DGLUCY: variants seen among roughly 807,000 people sequenced by gnomAD.
DGLUCY encodes D-glutamate cyclase, mitochondrial.
A neutral mutation model predicts 58.5 loss-of-function variants in DGLUCY; 58 were observed. That is an observed-to-expected ratio of 0.99 (90% CI 0.80 to 1.23). The LOEUF is 1.23. Among genes scored for constraint, DGLUCY ranks in the 50% most tolerant of loss-of-function variants. The probability of loss-of-function intolerance (pLI) is 0.00; values close to 1 mark genes in which losing one functional copy is unlikely to be tolerated. For missense variants in DGLUCY, 779 were observed against 784.7 expected, an observed-to-expected ratio of 0.99 and a Z score of 0.09; for synonymous variants, 325 against 314.1, an observed-to-expected ratio of 1.03 and a Z score of -0.37.
At chr14:91,081,680 TTCTC>T (rs890685443) in intron 1 of DGLUCY, among the ~76,000 whole-genome samples, 21 of 152,278 alleles carry the variant, frequency 1.4e-4, no homozygotes, top group Non-Finnish European at 2.6e-4. Flanking sequence ...TGTGGCTCCT[TTCTC>T]TATCTTCAAA....
At chr14:91,150,175 C>T (rs1051273810) in intron 1 of DGLUCY, among the ~76,000 whole-genome samples, 5 of 139,792 alleles carry the variant, frequency 3.6e-5, no homozygotes, top group East Asian at 2.2e-4. Context: ...GTGGAGATTG[C>T]GCCGCTGCAC....
At chr14:91,142,640 G>T (rs1165330198) in intron 1 of DGLUCY, among the ~76,000 whole-genome samples, 1 of 152,010 alleles carries the variant, frequency 6.6e-6, no homozygotes, top group African/African-American at 2.4e-5. Flanking sequence ...GAGCAAACAT[G>T]TACTGGTTAT....
chr14:91,068,115 A>ACC lies in DGLUCY; in HGVS notation c.-82+7414_-82+7415dup, dbSNP rs1555387717. On this transcript the variant is annotated intron_variant, in intron 1 of 4. Coordinates refer to the DGLUCY transcript ENST00000521334. ...CACACACACACACACACACACACAC[A>ACC]CCCCTTGCATTCACAGAGAGACAGT... 1.7e-3 allele frequency among the ~76,000 whole-genome samples: 244 copies of ACC among 140,248 alleles called. No individual in the cohort carries two copies. The Middle Eastern group carries it at 0.022, about 13-fold the overall frequency. The allele number at this position is 140,248 out of a possible 152,430, so 92.0% of individuals were successfully genotyped here.
At chr14:91,161,735 G>A (rs773179602) in intron 3 of DGLUCY, among the ~76,000 whole-genome samples, 30 of 152,024 alleles carry the variant, frequency 2.0e-4, no homozygotes, top group Non-Finnish European at 3.1e-4. Context: ...CAATAGGGAA[G>A]GGGCTACAAT....
At chr14:91,077,428 G>GAGGGAGGA (rs1555388644) in intron 1 of DGLUCY, among the ~76,000 whole-genome samples, 1 of 148,534 alleles carries the variant, frequency 6.7e-6, no homozygotes, top group African/African-American at 2.5e-5. Context: ...AGGAGGGAGG[G>GAGGGAGGA]AGGAAGGAAG....
At chr14:91,092,491 A>G (rs1357213976) in intron 1 of DGLUCY, among the ~76,000 whole-genome samples, 1 of 152,204 alleles carries the variant, frequency 6.6e-6, no homozygotes, top group Non-Finnish European at 1.5e-5. Context: ...TTAGATTGAG[A>G]AGACACTTGA....
At chr14:91,182,052 T>G (rs2049211179) in intron 8 of DGLUCY, among the ~76,000 whole-genome samples, 1 of 151,690 alleles carries the variant, frequency 6.6e-6, no homozygotes, top group African/African-American at 2.4e-5. Context: ...GCAATCTCAA[T>G]TCACTGCAAC....
chr14:91,182,515 C>G (rs1231434189), intron 8 of DGLUCY, among the ~76,000 whole-genome samples: 3 of 152,040 alleles, frequency 2.0e-5, no homozygotes, highest in Non-Finnish European at 4.4e-5. Context: ...CCAGGTTGGT[C>G]TTGAACTCCT....
At chr14:91,173,530 C>G (rs890237863) in intron 6 of DGLUCY, 91 bp downstream of exon 6, 7 of 1,434,554 alleles carry the variant, frequency 4.9e-6, no homozygotes, top group South Asian at 1.5e-5. Flanking sequence ...TCCCCCTGTT[C>G]ACATCGGCGA....
intron 1 of DGLUCY, among the ~76,000 whole-genome samples, chr14:91,099,580 T>G (rs2044451454): frequency 6.6e-6 from 1 of 152,134 alleles, no homozygotes; most frequent in Non-Finnish European, 1.5e-5. Context: ...ATCTCCCTTT[T>G]TTTCTTAGAG....
intron 8 of DGLUCY, among the ~76,000 whole-genome samples, chr14:91,181,889 C>G (rs1427284502): frequency 4.6e-5 from 7 of 151,904 alleles, no homozygotes; most frequent in African/African-American, 1.7e-4. Context: ...TCATGATCCG[C>G]CCACCTTGGC....
chr14:91,079,636 T>TAACAA (rs541011396), intron 1 of DGLUCY, among the ~76,000 whole-genome samples: 280 of 152,326 alleles, frequency 1.8e-3, no homozygotes, highest in African/African-American at 6.4e-3. Flanking sequence ...ACTAATTTCC[T>TAACAA]AACAAATCAC....
chr14:91,147,474 A>G (rs1262318882), intron 1 of DGLUCY, among the ~76,000 whole-genome samples: 4 of 152,168 alleles, frequency 2.6e-5, no homozygotes, highest in Admixed American at 6.5e-5. Context: ...GAATGGACTG[A>G]AAGACCCTTT....
chr14:91,181,506 T>A, intron 8 of DGLUCY, 117 bp downstream of exon 8: 1 of 1,036,440 alleles, frequency 9.6e-7, no homozygotes, highest in East Asian at 2.4e-5. Context: ...CACAGGATGA[T>A]TTTTTAAATG....
chr14:91,143,625 T>C (rs2046858718), intron 1 of DGLUCY, among the ~76,000 whole-genome samples: 1 of 152,198 alleles, frequency 6.6e-6, no homozygotes, highest in African/African-American at 2.4e-5. Flanking sequence ...GCCAATGTTT[T>C]CTTGAACCTC....
At chr14:91,215,342 AG>A (rs1336410829) in intron 12 of DGLUCY, 62 bp from the exon 13 acceptor site, 1 of 1,547,814 alleles carries the variant, frequency 6.5e-7, no homozygotes, top group Non-Finnish European at 8.7e-7. Flanking sequence ...TGCTTCCTAG[AG>A]GCAGGCTGAC....
chr14:91,151,641 AT>A (rs1192929175), intron 1 of DGLUCY, among the ~76,000 whole-genome samples: 1 of 141,776 alleles, frequency 7.1e-6, no homozygotes, highest in East Asian at 2.1e-4. Context: ...CATCTTTTTT[AT>A]TTTTTCTTTT....
intron 11 of DGLUCY, among the ~76,000 whole-genome samples, chr14:91,201,076 A>G (rs1348966055): frequency 6.6e-6 from 1 of 152,052 alleles, no homozygotes; most frequent in Non-Finnish European, 1.5e-5. Context: ...GGGGAATATC[A>G]CAAAGTACAT....
chr14:91,208,736 C>T (rs949488184), intron 12 of DGLUCY, among the ~76,000 whole-genome samples: 10 of 151,960 alleles, frequency 6.6e-5, no homozygotes, highest in Admixed American at 2.0e-4. Context: ...GTGACAGAGT[C>T]AGACCCTGTC....
Sources: allele counts gnomAD v4.1 joint callset (sites outside exome capture counted in the v4.1 genomes callset), GRCh38; gene constraint gnomAD v4.1.1; transcripts MANE v1.5; gene names NCBI Gene and HGNC (gene_info 2026-07-23, HGNC 2026-07-21).